Variants in WDR97 observed in about 807,000 individuals in gnomAD.
The protein encoded by WDR97 is WD repeat domain 97.
WDR97 carries 111 observed loss-of-function variants against 65.4 expected under a neutral mutation model. That is an observed-to-expected ratio of 1.70 (90% CI 1.45 to 1.99). The LOEUF (loss-of-function observed/expected upper bound fraction) is 1.99, where lower values mean the gene tolerates loss of function less well. Among genes scored for constraint, WDR97 ranks in the 30% most tolerant of loss-of-function variants. The pLI, the probability that WDR97 is intolerant of heterozygous loss-of-function variation, is 0.00. For missense variants in WDR97, 1,674 were observed against 865.0 expected (o/e 1.94, Z -11.73); for synonymous variants, 802 against 397.7 (o/e 2.02, Z -12.10).
At position 144,108,680 on chromosome 8, in the gene WDR97, T is replaced by C; in HGVS notation, c.614T>C (p.Val205Ala). Residue 205 changes from valine to alanine, a missense_variant, in exon 3 of 24, where the codon GTT (valine) becomes GCT (alanine). By Grantham distance (64) the Val-to-Ala change is moderately conservative. Coordinates refer to ENST00000323662, the MANE Select transcript of WDR97 (RefSeq NM_001316309.2). ...TGGGCGCCCACCTGCTGCCTGCCGGTTCCCGACCTCAGGCTGCTGCTCGTT... is the reference window on the plus strand; with the variant it reads ...TGGGCGCCCACCTGCTGCCTGCCGGCTCCCGACCTCAGGCTGCTGCTCGTT... ...PGWAPTCCLP[V>A]PDLRLLLVAE... 1.4e-6 allele frequency: 1 copy of C among 700,752 alleles called. No homozygotes were observed. Among genetic ancestry groups the C allele is most frequent in the Non-Finnish European group, 2.6e-6 (1 of 384,454 alleles). 43.4% of individuals were successfully genotyped at this position (700,752 alleles called of 1,614,324 possible). A position where few individuals can be genotyped will look rare whatever the true frequency, so the allele number is the denominator to read the frequency against.
In WDR97 at chr8:144,108,920, A is replaced by G. The variant is rs1433586645; in HGVS notation, c.854A>G (p.Asp285Gly). ...TFDLHAWTLVDVRRDLHKTTI... is the reference protein window; with the variant it reads ...TFDLHAWTLVGVRRDLHKTTI... ...GATCTGCATGCCTGGACTCTCGTAG[A>G]TGTGCGCCGGGATTTGCACAAAACG... Residue 285 changes from aspartate (D) to glycine (G), a missense_variant, in exon 3 of 24, where the codon GAT becomes GGT. Coordinates refer to ENST00000323662, the MANE Select transcript of WDR97 (RefSeq NM_001316309.2). 7.1e-6 allele frequency: 5 copies of G among 702,768 alleles called. No homozygotes were observed. Among genetic ancestry groups the G allele is most frequent in the Non-Finnish European group, 1.0e-5 (4 of 384,982 alleles). 43.5% of individuals were successfully genotyped at this position (702,768 alleles called of 1,614,324 possible).
rs1354276253 is a variant in WDR97, at chr8:144,108,041, TC to T, written c.113-16del. ...ACCTGAGGCTGTAGGTGGCAGAACTTCCAGTTCCTGCCCGCAGAGTTGACTT... is the reference window on the plus strand; with the variant it reads ...ACCTGAGGCTGTAGGTGGCAGAACTTCAGTTCCTGCCCGCAGAGTTGACTT... On this transcript the variant is annotated splice_polypyrimidine_tract_variant and intron_variant, in intron 1 of 23. Transcript: ENST00000323662. 2 of 702,588 alleles carry T rather than the reference TC, an allele frequency of 2.8e-6. No homozygotes were observed. The allele number at this position is 702,588 out of a possible 1,614,324, so 43.5% of individuals were successfully genotyped here. A position where few individuals can be genotyped will look rare whatever the true frequency, so the allele number is the denominator to read the frequency against.
rs555638529 is a variant in WDR97, at chr8:144,111,241, C to A, written c.2426+19C>A. The A allele has an allele frequency of 4.2e-4, 296 of 702,704 alleles. 3 individuals are homozygous for A. Among genetic ancestry groups the A allele is most frequent in the Non-Finnish European group, 3.6e-5 (14 of 384,994 alleles). The allele number at this position is 702,704 out of a possible 1,614,324, so 43.5% of individuals were successfully genotyped here. A position where few individuals can be genotyped will look rare whatever the true frequency, so the allele number is the denominator to read the frequency against. On this transcript the variant is annotated intron_variant, in intron 10 of 23. Transcript: ENST00000323662. ...GCCTCAGGTCCCATGCAGGCCTGCT[C>A]AGCCCTCCTGGAGGCCCTCCTTTCC...
intron 15 of WDR97, 126 bp downstream of exon 15, chr8:144,112,656 C>CA: frequency 1.5e-6 from 1 of 659,590 alleles, no homozygotes; most frequent in Non-Finnish European, 2.8e-6. Flanking sequence ...CACCTACAAC[C>CA]AGAGGGCCAG....
Position 144,113,537 on chromosome 8 carries a change from C to G in WDR97, c.3183+20C>G. On this transcript the variant is annotated intron_variant, in intron 16 of 23. Coordinates refer to ENST00000323662, the MANE Select transcript of WDR97 (RefSeq NM_001316309.2). ...GCGGAGGTCAGCAGCCTCGGATCCCCGACTCAGCTCGCCTCCCAGAGAAAG... is the reference window on the plus strand; with the variant it reads ...GCGGAGGTCAGCAGCCTCGGATCCCGGACTCAGCTCGCCTCCCAGAGAAAG... 2.9e-6 allele frequency: 2 copies of G among 689,716 alleles called. No individual in the cohort carries two copies. The highest frequency in any genetic ancestry group is 2.7e-6 in the Non-Finnish European group (1 of 374,792). The allele number at this position is 689,716 out of a possible 1,614,324, so 42.7% of individuals were successfully genotyped here. A position where few individuals can be genotyped will look rare whatever the true frequency, so the allele number is the denominator to read the frequency against.
Position 144,116,432 on chromosome 8 carries a change from G to A in WDR97, c.*139G>A, listed in dbSNP as rs954475105. The A allele has an allele frequency of 1.7e-5, 9 of 539,078 alleles. No individual in the cohort carries two copies. Among genetic ancestry groups the A allele is most frequent in the South Asian group, 1.1e-4 (4 of 37,936 alleles). The allele number at this position is 539,078 out of a possible 1,614,324, so 33.4% of individuals were successfully genotyped here. On this transcript the variant is annotated 3_prime_UTR_variant, in exon 24 of 24. Transcript: ENST00000323662. ...TGGAGGGCCCCGGGGTGCGCACGGC[G>A]TGTGGGCGTGCGGCCTGAACCCACA...
rs372806053 is a variant in WDR97 at position 144,113,914 on chromosome 8, C to A, written c.3408+33C>A. ...CTCAGGCAGAGGCCCCAGGCCACCA[C>A]GGGAGGTGGGCTTACACTGAGACCC... On this transcript the variant is annotated intron_variant, in intron 17 of 23. Coordinates refer to ENST00000323662, the MANE Select transcript of WDR97 (RefSeq NM_001316309.2). The A allele has an allele frequency of 5.0e-4, 342 of 686,352 alleles. 2 individuals are homozygous for A. In the African/African-American group the frequency reaches 5.1e-3, roughly 10 times the overall value. 42.5% of individuals were successfully genotyped at this position (686,352 alleles called of 1,614,324 possible). A position where few individuals can be genotyped will look rare whatever the true frequency, so the allele number is the denominator to read the frequency against.
intron 9 of WDR97, 32 bp downstream of exon 9, chr8:144,111,028 G>GC: frequency 1.4e-6 from 1 of 702,380 alleles, no homozygotes; most frequent in Non-Finnish European, 2.6e-6. Flanking sequence ...AGCAAGGTGG[G>GC]CCCCCCTTGC....
Position 144,111,431 on chromosome 8 carries a change from C to G in WDR97, c.2432C>G (p.Ala811Gly), listed in dbSNP as rs143098563. 3.2e-4 allele frequency: 227 copies of G among 702,786 alleles called. No individual in the cohort carries two copies. In the East Asian group the frequency reaches 6.0e-3, roughly 19 times the overall value. The allele number at this position is 702,786 out of a possible 1,614,324, so 43.5% of individuals were successfully genotyped here. Residue 811 changes from alanine (A) to glycine (G), a missense_variant, in exon 11 of 24, where the codon GCC becomes GGC. By Grantham distance (60) the Ala-to-Gly change is moderately conservative. Coordinates refer to ENST00000323662, the MANE Select transcript of WDR97 (RefSeq NM_001316309.2). ...NLHGAASLSEALSLIHRRRAT... is the reference protein window; with the variant it reads ...NLHGAASLSEGLSLIHRRRAT... ...GTGCCTGTCCCTGTTTGCAGCGAGGCCTTGTCTCTCATCCATCGTCGGAGG... is the reference window on the plus strand; with the variant it reads ...GTGCCTGTCCCTGTTTGCAGCGAGGGCTTGTCTCTCATCCATCGTCGGAGG...
chr8:144,110,912 C>T lies in WDR97; in HGVS notation c.2220C>T (p.Asn740=), dbSNP rs192760643. 3.2e-4 allele frequency: 225 copies of T among 702,872 alleles called. No homozygotes were observed. The African/African-American group carries it at 3.7e-3, about 11-fold the overall frequency. The allele number at this position is 702,872 out of a possible 1,614,324, so 43.5% of individuals were successfully genotyped here. A position where few individuals can be genotyped will look rare whatever the true frequency, so the allele number is the denominator to read the frequency against. Residue 740 remains asparagine (N), a synonymous_variant, in exon 9 of 24, where the codon AAC becomes AAT. Coordinates refer to ENST00000323662, the MANE Select transcript of WDR97 (RefSeq NM_001316309.2). The part of the protein sequence containing the change: ...GAPQALAFCS[N]SGDLVLALGS... The stretch of plus-strand genomic sequence containing the variant: ...CTCAGGCCCTGGCTTTCTGCAGCAA[C>T]AGTGGAGACCTGGTGCTGGCGCTGG...
chr8:144,114,391 G>A lies in WDR97; in HGVS notation c.3708G>A (p.Leu1236=), dbSNP rs1213663803. Residue 1236 remains leucine (L), a synonymous_variant, in exon 19 of 24, where the codon CTG becomes CTA. Transcript: ENST00000323662. ...TCCTGCAGGTGCTACTGAGACTGCT[G>A]CCCAACATGAGCAGTGATCTCCAAG... The part of the protein sequence containing the change: ...VHILQVLLRL[L]PNMSSDLQGQ... 1 of 702,788 alleles carries A rather than the reference G, an allele frequency of 1.4e-6. No homozygotes were observed. Among genetic ancestry groups the A allele is most frequent in the Non-Finnish European group, 2.6e-6 (1 of 384,994 alleles). 43.5% of individuals were successfully genotyped at this position (702,788 alleles called of 1,614,324 possible).
chr8:144,112,188 C>T (rs1431151409), intron 13 of WDR97, 36 bp from the exon 14 acceptor site: 6 of 701,594 alleles, frequency 8.6e-6, no homozygotes, highest in South Asian at 1.5e-5. Context: ...GCCCCCATGA[C>T]CCCTCTGCCA....
intron 17 of WDR97, 21 bp from the exon 18 acceptor site, chr8:144,113,956 C>T (rs1165423566): frequency 1.4e-6 from 1 of 698,644 alleles, no homozygotes; most frequent in Non-Finnish European, 2.6e-6. Context: ...GTGGGACCTG[C>T]AGCCACTGCT....
In WDR97 at chr8:144,118,073, T is replaced by G. The variant is rs1456524738; in HGVS notation, c.*1780T>G. ...ATTATAACAAGGGATATGGGAGTTA[T>G]AAGCCAGGAACTGTGGATGGAAACC... On this transcript the variant is annotated 3_prime_UTR_variant, in exon 24 of 24. Coordinates refer to ENST00000323662, the MANE Select transcript of WDR97 (RefSeq NM_001316309.2). The G allele has an allele frequency of 6.6e-6, 1 of 152,318 alleles. No individual in the cohort carries two copies. The highest frequency in any genetic ancestry group is 6.5e-5 in the Admixed American group (1 of 15,282). 9.4% of individuals were successfully genotyped at this position (152,318 alleles called of 1,614,324 possible).
Position 144,118,004 on chromosome 8 carries a change from ATGCTGTTGT to A in WDR97, c.*1712_*1720del, listed in dbSNP as rs931952745. 1.5e-4 allele frequency: 23 copies of A among 152,226 alleles called. No homozygotes were observed. Among genetic ancestry groups the A allele is most frequent in the African/African-American group, 5.1e-4 (21 of 41,446 alleles). The allele number at this position is 152,226 out of a possible 1,614,324, so 9.4% of individuals were successfully genotyped here. A position where few individuals can be genotyped will look rare whatever the true frequency, so the allele number is the denominator to read the frequency against. ...GGGTGGGAAAAGGTCAAAGAGAAAG[ATGCTGTTGT>A]CTGAGTCTTGCCTCTGAGGCCTAAG... On this transcript the variant is annotated 3_prime_UTR_variant, in exon 24 of 24. Transcript: ENST00000323662.
rs1157804489 is a variant in WDR97 at position 144,110,229 on chromosome 8, T to A, written c.1816T>A (p.Ser606Thr). ...CCCGGGCCCGGTTGTCGCCATCGCA[T>A]CCACCTGGAACAGCATTGTGTCTTC... ...HSPGPVVAIA[S>T]TWNSIVSSGG... The change falls in exon 6 of 24, where the codon TCC (serine) becomes ACC (threonine). Residue 606 changes from serine to threonine, a missense_variant. Coordinates refer to ENST00000323662, the MANE Select transcript of WDR97 (RefSeq NM_001316309.2). The A allele has an allele frequency of 1.4e-6, 1 of 702,904 alleles. No homozygotes were observed. The highest frequency in any genetic ancestry group is 2.6e-6 in the Non-Finnish European group (1 of 384,970). 43.5% of individuals were successfully genotyped at this position (702,904 alleles called of 1,614,324 possible).
chr8:144,115,581 G>A lies in WDR97; in HGVS notation c.4318G>A (p.Glu1440Lys), dbSNP rs1298860321. Residue 1440 changes from glutamate (E) to lysine (K), a missense_variant, in exon 22 of 24, where the codon GAG (glutamate) becomes AAG (lysine). Transcript: ENST00000323662. Reference protein sequence around the residue: ...TPQLRLRVLSETLKSFCLEPE... With the variant: ...TPQLRLRVLSKTLKSFCLEPE... ...TCAGCTCCGTCTCAGAGTGCTCTCC[G>A]AGACGCTGAAGAGCTTCTGCCTGGA... 1.4e-6 allele frequency: 1 copy of A among 692,782 alleles called. No individual in the cohort carries two copies. Among genetic ancestry groups the A allele is most frequent in the Admixed American group, 2.0e-5 (1 of 49,438 alleles). The allele number at this position is 692,782 out of a possible 1,614,324, so 42.9% of individuals were successfully genotyped here. A position where few individuals can be genotyped will look rare whatever the true frequency, so the allele number is the denominator to read the frequency against.
rs1201188720 is a variant in WDR97, at chr8:144,116,387, C to T, written c.*94C>T. ...GGAATAAAGTCCAGAGAATTTCTTT[C>T]TGCAGGATGCCGCCTGCTTTGGAGG... On this transcript the variant is annotated 3_prime_UTR_variant, in exon 24 of 24. Coordinates refer to ENST00000323662, the MANE Select transcript of WDR97 (RefSeq NM_001316309.2). 1.8e-6 allele frequency: 1 copy of T among 556,818 alleles called. No homozygotes were observed. 34.5% of individuals were successfully genotyped at this position (556,818 alleles called of 1,614,324 possible). A position where few individuals can be genotyped will look rare whatever the true frequency, so the allele number is the denominator to read the frequency against.
intron 13 of WDR97, 31 bp from the exon 14 acceptor site, chr8:144,112,193 C>T (rs1169059074): frequency 1.4e-6 from 1 of 701,798 alleles, no homozygotes; most frequent in Admixed American, 2.0e-5. Context: ...CATGACCCCT[C>T]TGCCACCCTG....
Sources: allele counts gnomAD v4.1 joint callset, GRCh38; gene constraint gnomAD v4.1.1; transcripts MANE v1.5; gene names NCBI Gene and HGNC (gene_info 2026-07-23, HGNC 2026-07-21).